Variants in DMD observed in about 807,000 individuals in gnomAD.
The protein encoded by DMD is dystrophin, also known as mutant dystrophin.
Under a neutral mutation model 330.1 loss-of-function variants are expected in DMD, and 63 were observed. The ratio of observed to expected loss-of-function variants is 0.19; its 90% CI spans 0.16 to 0.24. The LOEUF (loss-of-function observed/expected upper bound fraction) is 0.24, where lower values mean the gene tolerates loss of function less well. Among genes scored for constraint, DMD ranks in the 10% least tolerant of loss-of-function variants. The pLI, the probability that DMD is intolerant of heterozygous loss-of-function variation, is 1.00. For synonymous variants in DMD, 1,223 were observed against 959.8 expected (o/e 1.27, Z -5.07); for missense variants, 3,344 against 2,684.1 (o/e 1.25, Z -5.43).
At chrX:32,730,585 G>A (rs2067462768) in intron 7 of DMD, among the ~76,000 whole-genome samples, 1 of 111,852 alleles carries the variant, frequency 8.9e-6, no homozygotes, top group Admixed American at 9.5e-5. Context: ...TTTGCCCTAG[G>A]AATAAGCTTA....
chrX:31,313,456 C>A (rs1057354470), intron 62 of DMD, among the ~76,000 whole-genome samples: 1 of 111,829 alleles, frequency 8.9e-6, no homozygotes, highest in Non-Finnish European at 1.9e-5. Flanking sequence ...AGTTTTCAAT[C>A]AAAAACATTA....
At chrX:32,424,350 A>AT (rs909832800) in intron 29 of DMD, among the ~76,000 whole-genome samples, 2 of 111,516 alleles carry the variant, frequency 1.8e-5, no homozygotes, top group African/African-American at 6.5e-5. Context: ...AGCTATATCC[A>AT]TTATTAACAC....
chrX:31,286,634 T>C (rs1438300941), intron 62 of DMD, among the ~76,000 whole-genome samples: 1 of 112,852 alleles, frequency 8.9e-6, no homozygotes, highest in Non-Finnish European at 1.9e-5. Context: ...TGTCTCATTT[T>C]AGACCCACTG....
rs146897361 is a variant in DMD, at chrX:31,899,394, T to C, written c.6913-24021A>G. On this transcript the variant is annotated intron_variant, in intron 47 of 78. Transcript: ENST00000357033. ...CATTTTCTGCAACTTCATGTTGGAA[T>C]AAATAAAATCAGCAGGTGCCTATTG... Among the ~76,000 whole-genome samples, 80 of 109,815 alleles carry C rather than the reference T, an allele frequency of 7.3e-4. 2 individuals carry two copies. Among genetic ancestry groups the C allele is most frequent in the African/African-American group, 2.5e-3 (76 of 30,206 alleles).
At chrX:32,086,382 A>C (rs1432131290) in intron 44 of DMD, among the ~76,000 whole-genome samples, 12 of 112,123 alleles carry the variant, frequency 1.1e-4, no homozygotes, top group Non-Finnish European at 2.1e-4. Context: ...TACTGCTATG[A>C]ACCACATCCA....
At chrX:32,627,487 A>C (rs1337698456) in intron 11 of DMD, among the ~76,000 whole-genome samples, 1 of 96,453 alleles carries the variant, frequency 1.0e-5, no homozygotes, top group Non-Finnish European at 1.9e-5. Flanking sequence ...GTCAGAAAAA[A>C]AGAGGTATTA....
At chrX:31,249,103 A>T (rs779188865) in intron 63 of DMD, among the ~76,000 whole-genome samples, 77 of 112,174 alleles carry the variant, frequency 6.9e-4, no homozygotes, top group African/African-American at 2.4e-3. Context: ...TGATTGATAC[A>T]TCTTCCAAAT....
At chrX:31,214,622 T>C (rs2045136607) in intron 64 of DMD, among the ~76,000 whole-genome samples, 1 of 111,932 alleles carries the variant, frequency 8.9e-6, no homozygotes, top group Non-Finnish European at 1.9e-5. Flanking sequence ...CATGATCTTG[T>C]GGCTGACTGG....
At chrX:32,218,244 G>A (rs1008376130) in intron 43 of DMD, among the ~76,000 whole-genome samples, 4 of 111,646 alleles carry the variant, frequency 3.6e-5, no homozygotes, top group African/African-American at 1.3e-4. Flanking sequence ...ATTTCTGGAG[G>A]TTGGACACTG....
chrX:32,242,974 GGAA>G (rs1380813413), intron 43 of DMD, among the ~76,000 whole-genome samples: 14 of 98,497 alleles, frequency 1.4e-4, no homozygotes, highest in Non-Finnish European at 2.6e-4. Flanking sequence ...GGAAAGGAAA[GGAA>G]GAAGGAAGGA....
At chrX:31,159,633 C>T (rs1049687286) in intron 74 of DMD, among the ~76,000 whole-genome samples, 1 of 111,022 alleles carries the variant, frequency 9.0e-6, no homozygotes, top group Non-Finnish European at 1.9e-5. Context: ...TCTCCCCAGG[C>T]TTCCATCTCC....
At chrX:32,784,015 GA>G (rs1274906899) in intron 7 of DMD, among the ~76,000 whole-genome samples, 4 of 96,710 alleles carry the variant, frequency 4.1e-5, no homozygotes, top group African/African-American at 3.9e-5. Context: ...GTGGGGGGGG[GA>G]AATACACACC....
intron 2 of DMD, among the ~76,000 whole-genome samples, chrX:32,888,292 TCTCC>T (rs2084864985): frequency 9.1e-6 from 1 of 110,339 alleles, no homozygotes; most frequent in South Asian, 3.9e-4. Flanking sequence ...GTCCTAATGC[TCTCC>T]CTCCCCTTGC....
At chrX:32,376,663 G>A (rs187263928) in intron 34 of DMD, among the ~76,000 whole-genome samples, 1 of 111,015 alleles carries the variant, frequency 9.0e-6, no homozygotes, top group East Asian at 2.8e-4. Flanking sequence ...GCATCATCTG[G>A]GGCCTGCCCA....
At chrX:31,761,196 T>C (rs1007871248) in intron 51 of DMD, among the ~76,000 whole-genome samples, 1 of 111,052 alleles carries the variant, frequency 9.0e-6, no homozygotes, top group South Asian at 3.8e-4. Context: ...CTAGTTAGTA[T>C]CTTAATACTC....
chrX:32,555,244 T>C (rs1382273415), intron 16 of DMD, among the ~76,000 whole-genome samples: 1 of 111,442 alleles, frequency 9.0e-6, no homozygotes, highest in Non-Finnish European at 1.9e-5. Context: ...TTTAATAAAA[T>C]TCAACATCCC....
chrX:32,266,152 C>T (rs1312968531), intron 43 of DMD, among the ~76,000 whole-genome samples: 1 of 111,599 alleles, frequency 9.0e-6, no homozygotes, highest in African/African-American at 3.3e-5. Flanking sequence ...CGGTTATCCC[C>T]ATGGTGCTGT....
intron 52 of DMD, among the ~76,000 whole-genome samples, chrX:31,708,445 T>A (rs1026659472): frequency 1.8e-5 from 2 of 111,992 alleles, no homozygotes; most frequent in African/African-American, 6.5e-5. Flanking sequence ...CACCTCAATT[T>A]CATGAGTGAT....
At chrX:32,540,720 G>A (rs2048410499) in intron 17 of DMD, among the ~76,000 whole-genome samples, 2 of 111,437 alleles carry the variant, frequency 1.8e-5, no homozygotes, top group African/African-American at 3.3e-5. Context: ...TTGTTTTGAC[G>A]GGCAATGAGA....
Sources: gnomAD v4.1 joint callset for allele counts (sites outside exome capture counted in the v4.1 genomes callset) on GRCh38, gnomAD v4.1.1 for gene constraint, MANE v1.5 for transcripts, NCBI Gene and HGNC (gene_info 2026-07-23, HGNC 2026-07-21) for gene names.